Variants in CLMP observed in about 807,000 individuals in gnomAD.
CLMP encodes CXADR like cell adhesion molecule.
Under a neutral mutation model 45.2 loss-of-function variants are expected in CLMP, and 27 were observed. The observed-to-expected ratio is 0.60, with a 90% CI of 0.44 to 0.82. The LOEUF (loss-of-function observed/expected upper bound fraction) is 0.82. CLMP is among the 40% of genes least tolerant of loss of function. The probability of loss-of-function intolerance (pLI) is 0.00; values close to 1 mark genes in which losing one functional copy is unlikely to be tolerated. For missense variants in CLMP, 403 were observed against 448.4 expected (o/e 0.90, Z 0.91); for synonymous variants, 167 against 171.4 (o/e 0.97, Z 0.20).
intron 1 of CLMP, chr11:123,191,465 C>T (rs1861906824): frequency 6.6e-6 from 1 of 152,204 alleles, no homozygotes; most frequent in Non-Finnish European, 1.5e-5. Flanking sequence ...TCTGCGAAAC[C>T]AGGCTCCTTC....
At chr11:123,119,753 G>C (rs114121896) in intron 1 of CLMP, among the ~76,000 whole-genome samples, 3,371 of 151,694 alleles carry the variant, frequency 0.022, 130 homozygotes, top group African/African-American at 0.076. Flanking sequence ...GCGGTGCAAT[G>C]TCTGCTCACA....
At chr11:123,175,921 T>G (rs376506354) in intron 1 of CLMP, among the ~76,000 whole-genome samples, 10 of 152,226 alleles carry the variant, frequency 6.6e-5, no homozygotes, top group East Asian at 5.8e-4. Context: ...GAAATCTTAT[T>G]TTAGTTAGTT....
At chr11:123,075,579 G>T (rs1865729523) in intron 5 of CLMP, among the ~76,000 whole-genome samples, 1 of 151,656 alleles carries the variant, frequency 6.6e-6, no homozygotes, top group African/African-American at 2.4e-5. Flanking sequence ...AGTAGAGACG[G>T]GGTTTCACCG....
intron 5 of CLMP, among the ~76,000 whole-genome samples, 187 bp from the exon 6 acceptor site, chr11:123,075,030 A>G (rs867679942): frequency 4.6e-5 from 7 of 151,094 alleles, no homozygotes; most frequent in African/African-American, 1.5e-4. Context: ...ATCTCGGCTC[A>G]TCGCAACCTC....
intron 1 of CLMP, among the ~76,000 whole-genome samples, chr11:123,168,990 A>G (rs1204289289): frequency 1.3e-5 from 2 of 152,300 alleles, no homozygotes; most frequent in Non-Finnish European, 1.5e-5. Flanking sequence ...TCAGGGACCC[A>G]TGAATATGAA....
intron 1 of CLMP, among the ~76,000 whole-genome samples, chr11:123,176,724 C>A (rs1277496486): frequency 6.6e-6 from 1 of 152,138 alleles, no homozygotes; most frequent in Non-Finnish European, 1.5e-5. Context: ...GTTAACAGTG[C>A]ATGTGAAGGA....
chr11:123,125,907 A>G (rs193261540), intron 1 of CLMP, among the ~76,000 whole-genome samples: 126 of 151,922 alleles, frequency 8.3e-4, no homozygotes, highest in African/African-American at 3.0e-3. Context: ...CGCCCAGCCC[A>G]CTCTCTTTGC....
At chr11:123,138,206 TAAATTTA>T (rs1323033938) in intron 1 of CLMP, among the ~76,000 whole-genome samples, 1 of 152,174 alleles carries the variant, frequency 6.6e-6, no homozygotes, top group Non-Finnish European at 1.5e-5. Context: ...GGACTGTTTT[TAAATTTA>T]AAACTTTAAA....
chr11:123,189,423 C>T (rs1027963067), intron 1 of CLMP, among the ~76,000 whole-genome samples: 2 of 152,140 alleles, frequency 1.3e-5, no homozygotes, highest in African/African-American at 2.4e-5. Flanking sequence ...ATTTATGTAT[C>T]TGTGAAATGG....
chr11:123,132,090 G>A (rs1861000230), intron 1 of CLMP, among the ~76,000 whole-genome samples: 2 of 152,192 alleles, frequency 1.3e-5, no homozygotes, highest in South Asian at 2.1e-4. Context: ...TTGCGGGGGG[G>A]TCTATGTGTA....
At chr11:123,141,144 C>A (rs987662173) in intron 1 of CLMP, among the ~76,000 whole-genome samples, 1 of 108,026 alleles carries the variant, frequency 9.3e-6, no homozygotes, top group African/African-American at 3.4e-5. Context: ...AACCTCTTTT[C>A]TTTGTACATT....
intron 1 of CLMP, among the ~76,000 whole-genome samples, chr11:123,129,928 T>C (rs1860961099): frequency 6.6e-6 from 1 of 151,034 alleles, no homozygotes; most frequent in Admixed American, 6.7e-5. Context: ...TTTTTTTTTT[T>C]CCTGGAGGCT....
At chr11:123,194,511 A>G (rs1861952335) in intron 1 of CLMP, among the ~76,000 whole-genome samples, 1 of 151,814 alleles carries the variant, frequency 6.6e-6, no homozygotes, top group Non-Finnish European at 1.5e-5. Context: ...CCTTTAACAC[A>G]TCTGTTTCTA....
intron 1 of CLMP, among the ~76,000 whole-genome samples, chr11:123,108,041 CAG>C (rs1458426982): frequency 2.0e-5 from 3 of 152,102 alleles, no homozygotes; most frequent in African/African-American, 7.2e-5. Flanking sequence ...TTTTACCACA[CAG>C]AGGGAGGGAA....
chr11:123,177,280 G>C (rs936423589), intron 1 of CLMP, among the ~76,000 whole-genome samples: 1 of 152,120 alleles, frequency 6.6e-6, no homozygotes, highest in Non-Finnish European at 1.5e-5. Context: ...TGGGAGGTGC[G>C]GTCTTAGGAA....
Position 123,148,598 on chromosome 11 carries a change from T to C in CLMP, c.28+46315A>G, listed in dbSNP as rs570713361. On this transcript the variant is annotated intron_variant, in intron 1 of 6. Coordinates refer to ENST00000448775, the MANE Select transcript of CLMP (RefSeq NM_024769.5). ...GGAAGGGTATTGGATGCCCAAGATT[T>C]TCCTTGGACAGTAGGAATCTTTACC... 1.3e-5 allele frequency among the ~76,000 whole-genome samples: 2 copies of C among 152,348 alleles called. 1 individual carries two copies. Among genetic ancestry groups the C allele is most frequent in the South Asian group, 4.1e-4 (2 of 4,826 alleles).
chr11:123,135,053 A>G (rs572748893), intron 1 of CLMP, among the ~76,000 whole-genome samples: 18 of 152,206 alleles, frequency 1.2e-4, no homozygotes, highest in African/African-American at 4.3e-4. Context: ...TGAGGTCAGG[A>G]GTTCGAGACT....
rs564531556 is a variant in CLMP, at chr11:123,179,281, C to T, written c.28+15632G>A. Among the ~76,000 whole-genome samples, 45 of 152,300 alleles carry T rather than the reference C, an allele frequency of 3.0e-4. 2 individuals are homozygous for T. In the South Asian group the frequency reaches 9.4e-3, roughly 32 times the overall value. ...AAAGGGCTTTGCAAGTATTGAGCTT[C>T]CTGTTGTTTGCTCAAATGGAGGATG... is the stretch of plus-strand genomic sequence containing the variant. On this transcript the variant is annotated intron_variant, in intron 1 of 6. Transcript: ENST00000448775.
chr11:123,191,533 A>G (rs1861908074), intron 1 of CLMP: 1 of 152,250 alleles, frequency 6.6e-6, no homozygotes, highest in Non-Finnish European at 1.5e-5. Flanking sequence ...ACTAGCACAC[A>G]CGATATACAA....
Sources: gnomAD v4.1 joint callset for allele counts (sites outside exome capture counted in the v4.1 genomes callset) on GRCh38, gnomAD v4.1.1 for gene constraint, MANE v1.5 for transcripts, NCBI Gene and HGNC (gene_info 2026-07-23, HGNC 2026-07-21) for gene names.